The following TMEM50B variants were observed in gnomAD, a reference collection of about 807,000 sequenced individuals.
TMEM50B encodes transmembrane protein 50B.
A neutral mutation model predicts 23.4 loss-of-function variants in TMEM50B; 14 were observed. That is an observed-to-expected ratio of 0.60 (90% CI 0.39 to 0.93). The LOEUF (loss-of-function observed/expected upper bound fraction) is 0.93. Ranked by LOEUF, TMEM50B falls within the 40% of genes least tolerant of loss-of-function variation. The pLI, the probability that TMEM50B is intolerant of heterozygous loss-of-function variation, is 0.00. For synonymous variants in TMEM50B, 64 were observed against 62.3 expected (o/e 1.03, Z -0.13); for missense variants, 159 against 193.0 (o/e 0.82, Z 1.04).
At chr21:33,432,645 G>A in exon 9 of TMEM50B, 3 of 1,526,036 alleles carry the variant, frequency 2.0e-6, no homozygotes, top group Non-Finnish European at 2.7e-6. Context: ...CAGCATGGAT[G>A]GAACATTAAC....
chr21:33,453,638 G>A (rs368291287), intron 6 of TMEM50B, among the ~76,000 whole-genome samples: 80 of 151,944 alleles, frequency 5.3e-4, no homozygotes, highest in African/African-American at 1.3e-3. Context: ...CAAGCAGAAG[G>A]AATATCAAGA....
rs561002848 is a variant in TMEM50B, at chr21:33,455,944, A to C, written c.374-160T>G. ...AATGAAACTGAAAGAAGAAAATGCCAATTTAATTCCCCCAAAGCAAAGGAC... is the reference window on the plus strand; with the variant it reads ...AATGAAACTGAAAGAAGAAAATGCCCATTTAATTCCCCCAAAGCAAAGGAC... On this transcript the variant is annotated intron_variant, in intron 5 of 6. Transcript: ENST00000542230. The C allele has an allele frequency of 2.6e-4, 180 of 702,270 alleles. 1 individual carries two copies. The highest frequency in any genetic ancestry group is 2.5e-3 in the African/African-American group (141 of 56,092). The allele number at this position is 702,270 out of a possible 1,614,324, so 43.5% of individuals were successfully genotyped here.
rs147626770 is a variant in TMEM50B at position 33,473,089 on chromosome 21, T to C, written c.-41-4163A>G. On this transcript the variant is annotated intron_variant, in intron 1 of 6. Coordinates refer to ENST00000542230, the MANE Select transcript of TMEM50B (RefSeq NM_006134.7). The stretch of plus-strand genomic sequence containing the variant: ...TACAGAGACAGAACAATAGGAATGA[T>C]GGCTCACTTCTAACCAGAACAAAGG... 3.7e-3 allele frequency among the ~76,000 whole-genome samples: 570 copies of C among 152,116 alleles called. 4 individuals carry two copies. The highest frequency in any genetic ancestry group is 6.3e-3 in the Non-Finnish European group (431 of 67,992).
At chr21:33,475,822 C>G (rs1217263055) in intron 1 of TMEM50B, among the ~76,000 whole-genome samples, 2 of 152,006 alleles carry the variant, frequency 1.3e-5, no homozygotes, top group Admixed American at 6.5e-5. Context: ...GGCGTGGTGG[C>G]ACGCACCTGT....
intron 1 of TMEM50B, among the ~76,000 whole-genome samples, chr21:33,475,127 T>C (rs1208965576): frequency 6.6e-6 from 1 of 151,804 alleles, no homozygotes. Flanking sequence ...GGGTTTCACA[T>C]GTTGGCCAGG....
At position 33,473,670 on chromosome 21, in the gene TMEM50B, CAAG is replaced by C. The variant is rs1472886383; in HGVS notation, c.-41-4747_-41-4745del. 1.0e-4 allele frequency among the ~76,000 whole-genome samples: 13 copies of C among 125,640 alleles called. No homozygotes were observed. In the South Asian group the frequency reaches 2.8e-3, roughly 27 times the overall value. 82.4% of individuals were successfully genotyped at this position (125,640 alleles called of 152,430 possible). A position where few individuals can be genotyped will look rare whatever the true frequency, so the allele number is the denominator to read the frequency against. The stretch of plus-strand genomic sequence containing the variant: ...ACCTTGTCTCAAAAAAAAAAAAAAA[CAAG>C]AAGGTGACAGCAATTCTACTCCTAT... On this transcript the variant is annotated intron_variant, in intron 1 of 6. Coordinates refer to ENST00000542230, the MANE Select transcript of TMEM50B (RefSeq NM_006134.7).
At chr21:33,436,744 A>G in intron 8 of TMEM50B, 1 of 1,144,710 alleles carries the variant, frequency 8.7e-7, no homozygotes, top group Non-Finnish European at 1.3e-6. Flanking sequence ...AATAAAAATA[A>G]AATAAAAACA....
chr21:33,464,804 C>CAAAAAAAAAAAAAAAAA lies in TMEM50B; in HGVS notation c.280+521_280+537dup, dbSNP rs59855166. 9.6e-3 allele frequency among the ~76,000 whole-genome samples: 966 copies of CAAAAAAAAAAAAAAAAA among 100,638 alleles called. 39 individuals are homozygous for CAAAAAAAAAAAAAAAAA. The highest frequency in any genetic ancestry group is 0.016 in the Non-Finnish European group (711 of 44,956). 66.0% of individuals were successfully genotyped at this position (100,638 alleles called of 152,430 possible). Reference sequence around the variant, plus strand: ...GGGAAAGAAGAGCTAAACTCCGTCTCAAAAAAAAAAAAAAAAAAAACAAAA... The same window carrying CAAAAAAAAAAAAAAAAA: ...GGGAAAGAAGAGCTAAACTCCGTCTCAAAAAAAAAAAAAAAAAAAAAAAAAAAAAAAAAAAAACAAAA... On this transcript the variant is annotated intron_variant, in intron 4 of 6. Transcript: ENST00000542230.
downstream of TMEM50B, among the ~76,000 whole-genome samples, chr21:33,447,652 A>G (rs1045228961): frequency 6.6e-6 from 1 of 151,168 alleles, no homozygotes; most frequent in African/African-American, 2.4e-5. Context: ...ATGCAAATCA[A>G]TGTCAAGTCA....
chr21:33,473,006 C>G (rs953918325), intron 1 of TMEM50B, among the ~76,000 whole-genome samples: 6 of 151,896 alleles, frequency 4.0e-5, no homozygotes, highest in Non-Finnish European at 5.9e-5. Flanking sequence ...TGCTGAAAAC[C>G]AGAGATACAG....
intron 7 of TMEM50B, among the ~76,000 whole-genome samples, chr21:33,444,057 C>A (rs928670245): frequency 1.3e-5 from 2 of 152,098 alleles, no homozygotes; most frequent in Admixed American, 6.6e-5. Flanking sequence ...CCTGCCACTA[C>A]GCCTGGCTAA....
At chr21:33,468,640 T>A in intron 2 of TMEM50B, 147 bp downstream of exon 2, 1 of 605,852 alleles carries the variant, frequency 1.7e-6, no homozygotes. Flanking sequence ...TGCTTGGCAA[T>A]AGTATCTAGA....
chr21:33,477,606 G>A (rs1164877926), intron 1 of TMEM50B, among the ~76,000 whole-genome samples: 2 of 57,912 alleles, frequency 3.5e-5, no homozygotes, highest in Non-Finnish European at 5.8e-5. Context: ...GGAGGCCGAG[G>A]CGGGGGGGGG....
At chr21:33,475,981 C>T (rs916741156) in intron 1 of TMEM50B, among the ~76,000 whole-genome samples, 1 of 152,046 alleles carries the variant, frequency 6.6e-6, no homozygotes, top group African/African-American at 2.4e-5. Flanking sequence ...CTTCTGCCAA[C>T]CCAATTAAAT....
chr21:33,453,671 A>C (rs1296653711), intron 6 of TMEM50B, among the ~76,000 whole-genome samples: 1 of 152,158 alleles, frequency 6.6e-6, no homozygotes, highest in Non-Finnish European at 1.5e-5. Context: ...AGTACATCGT[A>C]ATCAAATTAC....
intron 5 of TMEM50B, 86 bp downstream of exon 5, chr21:33,460,327 C>T: frequency 1.2e-6 from 1 of 810,642 alleles, no homozygotes; most frequent in Non-Finnish European, 2.1e-6. Context: ...AACAATTATA[C>T]TAAGTTGTAC....
intron 1 of TMEM50B, among the ~76,000 whole-genome samples, chr21:33,471,327 T>G (rs2123455288): frequency 6.8e-6 from 1 of 146,974 alleles, no homozygotes. Flanking sequence ...ACTCATATTA[T>G]TCACAACGTC....
chr21:33,436,191 A>G (rs2083948822), intron 8 of TMEM50B, among the ~76,000 whole-genome samples: 1 of 149,986 alleles, frequency 6.7e-6, no homozygotes. Flanking sequence ...CCCCGTCTCT[A>G]CTTAAAATAC....
At chr21:33,479,603 C>A (rs2123472169) in intron 1 of TMEM50B, among the ~76,000 whole-genome samples, 1 of 152,306 alleles carries the variant, frequency 6.6e-6, no homozygotes, top group Non-Finnish European at 1.5e-5. Context: ...GCGGCGGCGC[C>A]ACGGTCACGG....
Sources: gnomAD v4.1 joint callset for allele counts (sites outside exome capture counted in the v4.1 genomes callset) on GRCh38, gnomAD v4.1.1 for gene constraint, MANE v1.5 for transcripts, NCBI Gene and HGNC (gene_info 2026-07-23, HGNC 2026-07-21) for gene names.